NDFIP2: variants seen among roughly 807,000 people sequenced by gnomAD.
NDFIP2 encodes Nedd4 family interacting protein 2, also known as NEDD4 family-interacting protein 2.
A neutral mutation model predicts 36.0 loss-of-function variants in NDFIP2; 19 were observed. The ratio of observed to expected loss-of-function variants is 0.53; its 90% CI spans 0.37 to 0.77. NDFIP2 has a LOEUF of 0.77. Among genes scored for constraint, NDFIP2 ranks in the 30% least tolerant of loss-of-function variants. The probability of loss-of-function intolerance (pLI) is 0.00; values close to 1 mark genes in which losing one functional copy is unlikely to be tolerated. For missense variants in NDFIP2, 446 were observed against 435.8 expected (o/e 1.02, Z -0.21); for synonymous variants, 181 against 167.7 (o/e 1.08, Z -0.61).
intron 1 of NDFIP2, 102 bp from the exon 2 acceptor site, chr13:79,520,708 T>G (rs1423191914): frequency 9.0e-7 from 1 of 1,106,510 alleles, no homozygotes; most frequent in African/African-American, 1.6e-5. Flanking sequence ...TTCTTTGTGT[T>G]TGGCCAAAAA....
chr13:79,503,638 C>T (rs1053246473), intron 1 of NDFIP2, among the ~76,000 whole-genome samples: 1 of 152,258 alleles, frequency 6.6e-6, no homozygotes, highest in Non-Finnish European at 1.5e-5. Flanking sequence ...GGGTAGAGAA[C>T]TGAGGTTTAC....
At chr13:79,533,904 G>T (rs1483695640) in intron 3 of NDFIP2, among the ~76,000 whole-genome samples, 1 of 152,088 alleles carries the variant, frequency 6.6e-6, no homozygotes, top group Non-Finnish European at 1.5e-5. Context: ...ATTGTTGAAG[G>T]GTTACTGTAT....
intron 6 of NDFIP2, 102 bp downstream of exon 6, chr13:79,548,496 T>C (rs1875775115): frequency 1.1e-6 from 1 of 926,338 alleles, no homozygotes; most frequent in Non-Finnish European, 1.7e-6. Flanking sequence ...ATTTTTCTTC[T>C]GTAAAATTCT....
At chr13:79,502,706 C>T (rs1873711685) in intron 1 of NDFIP2, among the ~76,000 whole-genome samples, 1 of 152,002 alleles carries the variant, frequency 6.6e-6, no homozygotes, top group Non-Finnish European at 1.5e-5. Context: ...TCATTGTTTT[C>T]AGCGAGACGT....
chr13:79,501,639 T>C (rs1873672588), intron 1 of NDFIP2, among the ~76,000 whole-genome samples: 1 of 152,130 alleles, frequency 6.6e-6, no homozygotes, highest in Non-Finnish European at 1.5e-5. Flanking sequence ...CGGCCAACTT[T>C]AGAGTTTTTG....
At position 79,481,162 on chromosome 13, in the gene NDFIP2, C is replaced by G; in HGVS notation, c.-42C>G. 6.9e-7 allele frequency: 1 copy of G among 1,444,708 alleles called. No individual in the cohort carries two copies. The highest frequency in any genetic ancestry group is 9.0e-7 in the Non-Finnish European group (1 of 1,107,386). 89.5% of individuals were successfully genotyped at this position (1,444,708 alleles called of 1,614,324 possible). ...CTCCCCCGGACTTGCCTTACTTTTC[C>G]ATCTCCTCCCACCCAGCTATACCCT... On this transcript the variant is annotated 5_prime_UTR_variant, in exon 1 of 8. Coordinates refer to ENST00000218652, the MANE Select transcript of NDFIP2 (RefSeq NM_019080.3).
chr13:79,501,601 G>A (rs1873670990), intron 1 of NDFIP2, among the ~76,000 whole-genome samples: 2 of 152,098 alleles, frequency 1.3e-5, no homozygotes, highest in African/African-American at 4.8e-5. Context: ...ATATTCTGAA[G>A]TTATTCAAAT....
intron 1 of NDFIP2, among the ~76,000 whole-genome samples, chr13:79,515,378 C>T (rs191056924): frequency 6.6e-6 from 1 of 152,304 alleles, no homozygotes; most frequent in East Asian, 1.9e-4. Context: ...AACCACATCA[C>T]TTTGTTTTCA....
chr13:79,496,508 A>G (rs749294073), intron 1 of NDFIP2, among the ~76,000 whole-genome samples: 18 of 151,934 alleles, frequency 1.2e-4, no homozygotes, highest in Non-Finnish European at 2.2e-4. Flanking sequence ...TTGTGTAATG[A>G]TAAGTCTAGG....
rs1332212285 is a variant in NDFIP2, at chr13:79,555,887, A to AT, written c.*3376dup. The AT allele has an allele frequency of 2.6e-5, 4 of 152,292 alleles. No individual in the cohort carries two copies. Among genetic ancestry groups the AT allele is most frequent in the African/African-American group, 9.6e-5 (4 of 41,572 alleles). The allele number at this position is 152,292 out of a possible 1,614,324, so 9.4% of individuals were successfully genotyped here. ...GCATCCTTTTCAAAATCAGTTTAAG[A>AT]TTCGCATATTATCATGACTGTGACC... On this transcript the variant is annotated 3_prime_UTR_variant, in exon 8 of 8. Coordinates refer to ENST00000218652, the MANE Select transcript of NDFIP2 (RefSeq NM_019080.3).
chr13:79,485,255 A>C (rs1872923070), intron 1 of NDFIP2, among the ~76,000 whole-genome samples: 1 of 152,164 alleles, frequency 6.6e-6, no homozygotes. Flanking sequence ...AACAACAAAC[A>C]AACTAGTTCA....
intron 1 of NDFIP2, among the ~76,000 whole-genome samples, chr13:79,494,243 C>T (rs1011650212): frequency 1.3e-5 from 2 of 151,932 alleles, no homozygotes; most frequent in African/African-American, 4.8e-5. Flanking sequence ...CCTCATCCCT[C>T]ATCTGTAAAG....
intron 1 of NDFIP2, among the ~76,000 whole-genome samples, chr13:79,510,035 T>G (rs1874022134): frequency 6.6e-6 from 1 of 152,194 alleles, no homozygotes; most frequent in Non-Finnish European, 1.5e-5. Context: ...GAATCAATAC[T>G]TTGCATACTT....
At chr13:79,537,203 G>C (rs918700295) in intron 3 of NDFIP2, among the ~76,000 whole-genome samples, 2 of 152,126 alleles carry the variant, frequency 1.3e-5, no homozygotes, top group African/African-American at 4.8e-5. Context: ...CGCCTCCCCA[G>C]TTCAAATGAT....
At chr13:79,487,161 C>T (rs937411337) in intron 1 of NDFIP2, among the ~76,000 whole-genome samples, 1 of 152,092 alleles carries the variant, frequency 6.6e-6, no homozygotes, top group African/African-American at 2.4e-5. Flanking sequence ...AGAATATTAC[C>T]ATCACCCTAG....
chr13:79,510,952 T>C (rs571633865), intron 1 of NDFIP2, among the ~76,000 whole-genome samples: 2 of 149,396 alleles, frequency 1.3e-5, no homozygotes, highest in East Asian at 3.9e-4. Flanking sequence ...TGAGCTGAGA[T>C]CTTGCCACTT....
At chr13:79,551,920 T>G (rs1022013154) in intron 7 of NDFIP2, among the ~76,000 whole-genome samples, 3 of 151,392 alleles carry the variant, frequency 2.0e-5, no homozygotes, top group African/African-American at 7.2e-5. Flanking sequence ...TGTCTACTAG[T>G]ACTTAACTTC....
intron 1 of NDFIP2, among the ~76,000 whole-genome samples, chr13:79,501,061 G>C (rs561883539): frequency 6.6e-6 from 1 of 152,142 alleles, no homozygotes; most frequent in East Asian, 1.9e-4. Context: ...AAAGAAGCCA[G>C]TCTGAAAAGG....
rs1024353939 is a variant in NDFIP2 at position 79,555,370 on chromosome 13, A to G, written c.*2857A>G. On this transcript the variant is annotated 3_prime_UTR_variant, in exon 8 of 8. Transcript: ENST00000218652. ...TGGTTATTCCTGTTTTCTCAGCTTA[A>G]TAGTGCCTCATCGTACTCTCAAAAG... is the stretch of plus-strand genomic sequence containing the variant. 6.6e-6 allele frequency: 1 copy of G among 151,282 alleles called. No homozygotes were observed. The highest frequency in any genetic ancestry group is 2.4e-5 in the African/African-American group (1 of 41,150). The allele number at this position is 151,282 out of a possible 1,614,324, so 9.4% of individuals were successfully genotyped here.
Sources: gnomAD v4.1 joint callset for allele counts (sites outside exome capture counted in the v4.1 genomes callset) on GRCh38, gnomAD v4.1.1 for gene constraint, MANE v1.5 for transcripts, NCBI Gene and HGNC (gene_info 2026-07-23, HGNC 2026-07-21) for gene names.